Variants in PDE1C observed in about 807,000 individuals in gnomAD.
PDE1C encodes the protein dual specificity calcium/calmodulin-dependent 3',5'-cyclic nucleotide phosphodiesterase 1C.
A neutral mutation model predicts 93.1 loss-of-function variants in PDE1C; 62 were observed. That is an observed-to-expected ratio of 0.67 (90% confidence interval 0.54 to 0.82). The LOEUF (loss-of-function observed/expected upper bound fraction) is 0.82, where lower values mean the gene tolerates loss of function less well. Ranked by LOEUF, PDE1C falls within the 40% of genes least tolerant of loss-of-function variation. PDE1C has a pLI of 0.00. For synonymous variants in PDE1C, 325 were observed against 310.1 expected (o/e 1.05, Z -0.50); for missense variants, 742 against 884.6 (o/e 0.84, Z 2.04).
At chr7:32,411,218 T>G (rs73096004) in intron 1 of PDE1C, among the ~76,000 whole-genome samples, 19 of 152,222 alleles carry the variant, frequency 1.2e-4, no homozygotes, top group Non-Finnish European at 2.4e-4. Context: ...CAAATCAAAT[T>G]ATAAAAAGAT....
intron 7 of PDE1C, among the ~76,000 whole-genome samples, chr7:31,863,539 T>A (rs1288321346): frequency 6.6e-6 from 1 of 152,200 alleles, no homozygotes; most frequent in Non-Finnish European, 1.5e-5. Flanking sequence ...GTAAAAATCT[T>A]TTATTGAGTT....
intron 1 of PDE1C, among the ~76,000 whole-genome samples, chr7:32,248,431 T>C (rs1809125612): frequency 6.6e-6 from 1 of 152,078 alleles, no homozygotes; most frequent in East Asian, 1.9e-4. Context: ...ACTCAAGAGA[T>C]AAACATGAAA....
intron 2 of PDE1C, among the ~76,000 whole-genome samples, chr7:31,922,811 A>G (rs1452693668): frequency 6.6e-6 from 1 of 152,212 alleles, no homozygotes; most frequent in East Asian, 1.9e-4. Flanking sequence ...TCAAGATAAA[A>G]GTGTGGAGTC....
intron 2 of PDE1C, among the ~76,000 whole-genome samples, chr7:32,190,993 A>G (rs1804193316): frequency 6.6e-6 from 1 of 152,160 alleles, no homozygotes; most frequent in African/African-American, 2.4e-5. Flanking sequence ...GAGAAGTGAA[A>G]TATCCTGGGA....
At chr7:31,869,212 A>G (rs1033280743) in intron 6 of PDE1C, among the ~76,000 whole-genome samples, 1 of 152,132 alleles carries the variant, frequency 6.6e-6, no homozygotes, top group Non-Finnish European at 1.5e-5. Context: ...GTAAGAAAGG[A>G]CATACAACAC....
intron 2 of PDE1C, among the ~76,000 whole-genome samples, chr7:31,905,627 T>C (rs1024525639): frequency 6.6e-6 from 1 of 152,176 alleles, no homozygotes; most frequent in Non-Finnish European, 1.5e-5. Flanking sequence ...ATAGTGGACA[T>C]TGAATAAATA....
chr7:31,766,429 A>G (rs1795154823), intron 17 of PDE1C, among the ~76,000 whole-genome samples: 1 of 152,192 alleles, frequency 6.6e-6, no homozygotes. Flanking sequence ...GCATACAGAA[A>G]TGTATAAATA....
intron 2 of PDE1C, among the ~76,000 whole-genome samples, chr7:32,177,900 T>C (rs1369377648): frequency 6.6e-6 from 1 of 152,204 alleles, no homozygotes; most frequent in Non-Finnish European, 1.5e-5. Context: ...GGCTGGGTTC[T>C]ACAGGGATCA....
chr7:31,910,562 A>C (rs1801096610), intron 2 of PDE1C, among the ~76,000 whole-genome samples: 1 of 152,246 alleles, frequency 6.6e-6, no homozygotes, highest in Non-Finnish European at 1.5e-5. Flanking sequence ...GAAACTCAGG[A>C]AACTAATGAA....
At chr7:31,954,104 G>A (rs528454889) in intron 2 of PDE1C, among the ~76,000 whole-genome samples, 2 of 152,208 alleles carry the variant, frequency 1.3e-5, no homozygotes, top group African/African-American at 4.8e-5. Context: ...TCTACCAAAG[G>A]TTCATGCTCC....
chr7:32,070,883 C>T (rs1731676994), upstream of PDE1C: 1 of 985,712 alleles, frequency 1.0e-6, no homozygotes, highest in Admixed American at 6.2e-5. Flanking sequence ...TGGGGCCTGA[C>T]CCGGACGCCG....
the PDE1C span, among the ~76,000 whole-genome samples, chr7:31,621,173 AAAAC>A: frequency 1.9e-4 from 29 of 152,342 alleles, no homozygotes; most frequent in African/African-American, 5.3e-4. Context: ...ACCAAACTGG[AAAAC>A]AATCTGCAGG....
intron 2 of PDE1C, among the ~76,000 whole-genome samples, chr7:31,957,457 C>T (rs1309335503): frequency 1.3e-5 from 2 of 152,128 alleles, no homozygotes; most frequent in South Asian, 2.1e-4. Context: ...ATGGAACAAA[C>T]CTCCTCACCC....
chr7:31,831,476 G>GCACACACACACACACA (rs3842163), intron 11 of PDE1C, among the ~76,000 whole-genome samples: 1 of 141,050 alleles, frequency 7.1e-6, no homozygotes, highest in Non-Finnish European at 1.5e-5. Flanking sequence ...GGAAGTAAAG[G>GCACACACACACACACA]CACACACACA....
intron 1 of PDE1C, among the ~76,000 whole-genome samples, chr7:32,334,980 A>C (rs1783588158): frequency 6.6e-6 from 1 of 152,106 alleles, no homozygotes; most frequent in Non-Finnish European, 1.5e-5. Flanking sequence ...TCTTGGCAGA[A>C]ATCTAAGCAA....
intron 2 of PDE1C, among the ~76,000 whole-genome samples, chr7:31,949,075 T>C (rs1287040403): frequency 1.3e-5 from 2 of 152,124 alleles, no homozygotes; most frequent in African/African-American, 4.8e-5. Flanking sequence ...CAAACAAATT[T>C]TCTCCACAAA....
At chr7:32,134,656 G>C (rs186339150) in intron 3 of PDE1C, among the ~76,000 whole-genome samples, 1 of 152,244 alleles carries the variant, frequency 6.6e-6, no homozygotes, top group African/African-American at 2.4e-5. Flanking sequence ...ACTAACACAG[G>C]AACAGAAAAC....
intron 15 of PDE1C, among the ~76,000 whole-genome samples, chr7:31,813,298 A>G (rs1298896546): frequency 1.3e-5 from 2 of 151,984 alleles, no homozygotes; most frequent in Admixed American, 1.3e-4. Flanking sequence ...CTGCTTTGAG[A>G]TATGTTTTCT....
chr7:32,105,688 C>A (rs73100650), intron 3 of PDE1C, among the ~76,000 whole-genome samples: 30,083 of 149,092 alleles, frequency 0.2, 3,705 homozygotes, highest in Middle Eastern at 0.31. Flanking sequence ...CAGGGATGTA[C>A]CACCACATCT....
Sources: gnomAD v4.1 joint callset for allele counts (sites outside exome capture counted in the v4.1 genomes callset) on GRCh38, gnomAD v4.1.1 for gene constraint, MANE v1.5 for transcripts, NCBI Gene and HGNC (gene_info 2026-07-23, HGNC 2026-07-21) for gene names.